Variants in RAB6B observed in about 807,000 individuals in gnomAD.
RAB6B encodes ras-related protein Rab-6B.
RAB6B carries 7 observed loss-of-function variants against 31.2 expected under a neutral mutation model. The observed-to-expected ratio is 0.22, with a 90% confidence interval of 0.13 to 0.42. The LOEUF (loss-of-function observed/expected upper bound fraction) is 0.42, where lower values mean the gene tolerates loss of function less well. Among genes scored for constraint, RAB6B ranks in the 10% least tolerant of loss-of-function variants. The probability of loss-of-function intolerance (pLI) is 1.00; values close to 1 mark genes in which losing one functional copy is unlikely to be tolerated. For synonymous variants in RAB6B, 105 were observed against 104.9 expected, an observed-to-expected ratio of 1.00 and a Z score of -0.01; for missense variants, 149 against 280.6, an observed-to-expected ratio of 0.53 and a Z score of 3.35.
At chr3:133,895,371 G>A in intron 1 of RAB6B, 26 bp downstream of exon 1, 1 of 1,605,978 alleles carries the variant, frequency 6.2e-7, no homozygotes, top group Non-Finnish European at 8.5e-7. Context: ...TCGGCGACAA[G>A]CCAAGAGATT....
chr3:133,875,609 A>G (rs1936384608), intron 1 of RAB6B, among the ~76,000 whole-genome samples: 1 of 152,124 alleles, frequency 6.6e-6, no homozygotes, highest in Non-Finnish European at 1.5e-5. Flanking sequence ...CAGCCCTTCC[A>G]TACTCCCATA....
chr3:133,849,893 C>T (rs891906592), intron 2 of RAB6B, among the ~76,000 whole-genome samples: 3 of 152,168 alleles, frequency 2.0e-5, no homozygotes, highest in Non-Finnish European at 2.9e-5. Context: ...TTGGCTGGGC[C>T]TCAGTTACCA....
rs1033754472 is a variant in RAB6B, at chr3:133,895,704, T to A, written c.-238A>T. 17 of 548,298 alleles carry A rather than the reference T, an allele frequency of 3.1e-5. No individual in the cohort carries two copies. The highest frequency in any genetic ancestry group is 5.1e-5 in the Non-Finnish European group (16 of 313,926). 34.0% of individuals were successfully genotyped at this position (548,298 alleles called of 1,614,324 possible). ...CGGAGGAAGGCTGGGGCTGGGCTGCTGCGGTCGGCACTGGCTGCGGTGCGA... is the reference window on the plus strand; with the variant it reads ...CGGAGGAAGGCTGGGGCTGGGCTGCAGCGGTCGGCACTGGCTGCGGTGCGA... On this transcript the variant is annotated 5_prime_UTR_variant, in exon 1 of 8. Transcript: ENST00000285208.
intron 1 of RAB6B, among the ~76,000 whole-genome samples, chr3:133,887,644 G>A (rs935010277): frequency 1.3e-5 from 2 of 152,214 alleles, no homozygotes; most frequent in Non-Finnish European, 1.5e-5. Context: ...GATACACGGA[G>A]AAAGCCAGAG....
At chr3:133,881,744 G>A (rs987315179) in intron 1 of RAB6B, among the ~76,000 whole-genome samples, 1 of 152,208 alleles carries the variant, frequency 6.6e-6, no homozygotes, top group Non-Finnish European at 1.5e-5. Flanking sequence ...TGACCCCAAT[G>A]AGTGCTTCAC....
At chr3:133,836,489 T>C (rs562911716) in intron 6 of RAB6B, among the ~76,000 whole-genome samples, 14 of 152,226 alleles carry the variant, frequency 9.2e-5, no homozygotes, top group African/African-American at 3.1e-4. Flanking sequence ...GCATGGACAC[T>C]CCTCTGAGCC....
intron 1 of RAB6B, among the ~76,000 whole-genome samples, chr3:133,891,916 G>A (rs888828522): frequency 6.6e-6 from 1 of 152,182 alleles, no homozygotes; most frequent in African/African-American, 2.4e-5. Flanking sequence ...TCTCCATCCA[G>A]TCTTCCTGCT....
intron 2 of RAB6B, among the ~76,000 whole-genome samples, chr3:133,852,815 T>C (rs1355465887): frequency 6.6e-6 from 1 of 152,146 alleles, no homozygotes; most frequent in East Asian, 1.9e-4. Flanking sequence ...CTCCCTGCCT[T>C]ACTGCGTGAC....
Position 133,828,435 on chromosome 3 carries a change from AC to A in RAB6B, c.*352del. ...AGGTTCTCTATAAGTTTACAAATATACAAAAACAAAAAGCACATCTTTCAAA... is the reference window on the plus strand; with the variant it reads ...AGGTTCTCTATAAGTTTACAAATATAAAAAACAAAAAGCACATCTTTCAAA... On this transcript the variant is annotated 3_prime_UTR_variant, in exon 8 of 8. Transcript: ENST00000285208. 2.6e-6 allele frequency: 1 copy of A among 381,968 alleles called. No individual in the cohort carries two copies. Among genetic ancestry groups the A allele is most frequent in the Non-Finnish European group, 4.7e-6 (1 of 211,672 alleles). 23.7% of individuals were successfully genotyped at this position (381,968 alleles called of 1,614,324 possible). A position where few individuals can be genotyped will look rare whatever the true frequency, so the allele number is the denominator to read the frequency against.
chr3:133,860,642 G>A (rs1390620208), intron 2 of RAB6B, among the ~76,000 whole-genome samples: 1 of 152,210 alleles, frequency 6.6e-6, no homozygotes, highest in Non-Finnish European at 1.5e-5. Context: ...CCCTTGGCCT[G>A]GGAGGGCAAG....
intron 5 of RAB6B, 39 bp from the exon 6 acceptor site, chr3:133,838,298 G>A (rs1935772114): frequency 1.3e-6 from 2 of 1,577,788 alleles, no homozygotes; most frequent in African/African-American, 1.4e-5. Context: ...GCTCAGCAGA[G>A]AAGCAGACCC....
chr3:133,867,357 C>G (rs1057406848), intron 1 of RAB6B, among the ~76,000 whole-genome samples: 2 of 152,154 alleles, frequency 1.3e-5, no homozygotes, highest in Non-Finnish European at 2.9e-5. Context: ...GACATGAGAA[C>G]AGTAAACAGA....
intron 2 of RAB6B, among the ~76,000 whole-genome samples, chr3:133,855,436 AAT>A (rs1186223407): frequency 6.6e-6 from 1 of 152,236 alleles, no homozygotes; most frequent in East Asian, 1.9e-4. Flanking sequence ...ACCCAATTTA[AAT>A]ATGTGATTGC....
chr3:133,889,442 A>ATATTTATT (rs1559915529), intron 1 of RAB6B, among the ~76,000 whole-genome samples: 1 of 87,818 alleles, frequency 1.1e-5, no homozygotes, highest in African/African-American at 4.5e-5. Flanking sequence ...ATATATATAT[A>ATATTTATT]TATTTATTTT....
At chr3:133,866,941 G>C (rs961539035) in intron 1 of RAB6B, among the ~76,000 whole-genome samples, 1 of 152,252 alleles carries the variant, frequency 6.6e-6, no homozygotes, top group Non-Finnish European at 1.5e-5. Context: ...CAGGGATCAG[G>C]GTGGGGAGAT....
At chr3:133,866,405 C>T (rs188808858) in intron 1 of RAB6B, among the ~76,000 whole-genome samples, 354 of 152,224 alleles carry the variant, frequency 2.3e-3, no homozygotes, top group Non-Finnish European at 3.7e-3. Context: ...CAGGATTCTG[C>T]CAGGTCAGGA....
At chr3:133,859,873 T>A (rs886261740) in intron 2 of RAB6B, among the ~76,000 whole-genome samples, 3 of 152,206 alleles carry the variant, frequency 2.0e-5, no homozygotes, top group Admixed American at 6.5e-5. Flanking sequence ...GAAACACTCA[T>A]ATTTATTTCA....
At chr3:133,844,928 G>A (rs1383805971) in intron 2 of RAB6B, among the ~76,000 whole-genome samples, 2 of 139,134 alleles carry the variant, frequency 1.4e-5, no homozygotes, top group Non-Finnish European at 3.1e-5. Flanking sequence ...GGTCAACAGA[G>A]CAAGACCCTG....
chr3:133,847,055 G>A (rs1010255622), intron 2 of RAB6B, among the ~76,000 whole-genome samples: 3 of 152,192 alleles, frequency 2.0e-5, no homozygotes, highest in South Asian at 4.1e-4. Flanking sequence ...ATAAAAACAC[G>A]CTACTTGTCC....
Sources: allele counts gnomAD v4.1 joint callset (sites outside exome capture counted in the v4.1 genomes callset), GRCh38; gene constraint gnomAD v4.1.1; transcripts MANE v1.5; gene names NCBI Gene and HGNC (gene_info 2026-07-23, HGNC 2026-07-21).